The following ASIC2 variants were observed in gnomAD, a reference collection of about 807,000 sequenced individuals.
ASIC2 encodes acid-sensing ion channel 2.
In ASIC2, 25 loss-of-function variants were observed where a neutral mutation model predicts 57.3. The observed-to-expected ratio is 0.44, with a 90% CI of 0.32 to 0.61. ASIC2 has a LOEUF of 0.61. Ranked by LOEUF, ASIC2 falls within the 20% of genes least tolerant of loss-of-function variation. The pLI, the probability that ASIC2 is intolerant of heterozygous loss-of-function variation, is 0.06. For missense variants in ASIC2, 641 were observed against 738.1 expected, an observed-to-expected ratio of 0.87 and a Z score of 1.52; for synonymous variants, 319 against 307.5, an observed-to-expected ratio of 1.04 and a Z score of -0.39.
chr17:33,937,427 T>A (rs1331071504), intron 1 of ASIC2, among the ~76,000 whole-genome samples: 2 of 103,574 alleles, frequency 1.9e-5, no homozygotes, highest in Non-Finnish European at 4.4e-5. Flanking sequence ...TCAGAGCTCT[T>A]TTTTTTTTTT....
intron 1 of ASIC2, among the ~76,000 whole-genome samples, chr17:33,283,448 C>G (rs748529609): frequency 8.5e-5 from 13 of 152,288 alleles, no homozygotes; most frequent in Non-Finnish European, 1.9e-4. Flanking sequence ...CGGACATGCT[C>G]AAGTTTGAGA....
chr17:33,441,595 C>G (rs1484984932), intron 1 of ASIC2, among the ~76,000 whole-genome samples: 1 of 152,138 alleles, frequency 6.6e-6, no homozygotes, highest in Non-Finnish European at 1.5e-5. Context: ...AGGAGAAGGT[C>G]ATTCTCACCT....
intron 3 of ASIC2, among the ~76,000 whole-genome samples, chr17:33,050,884 T>C (rs1260271699): frequency 6.6e-6 from 1 of 152,080 alleles, no homozygotes; most frequent in Non-Finnish European, 1.5e-5. Flanking sequence ...GTGCTTTGCA[T>C]AGATTAGGTA....
intron 1 of ASIC2, chr17:33,623,461 G>T (rs932599232): frequency 4.6e-5 from 7 of 151,652 alleles, no homozygotes; most frequent in Non-Finnish European, 7.3e-5. Context: ...TAGAGACGGG[G>T]TTTCACCATA....
At chr17:33,630,923 A>G (rs753487163) in intron 1 of ASIC2, among the ~76,000 whole-genome samples, 1 of 152,244 alleles carries the variant, frequency 6.6e-6, no homozygotes, top group Non-Finnish European at 1.5e-5. Flanking sequence ...ACTGACATGC[A>G]AAGTCCTATC....
At chr17:34,035,524 T>C (rs1353344251) in intron 1 of ASIC2, among the ~76,000 whole-genome samples, 1 of 150,838 alleles carries the variant, frequency 6.6e-6, no homozygotes, top group African/African-American at 2.5e-5. Flanking sequence ...AAGCCAAAAT[T>C]GACAAATGGG....
intron 1 of ASIC2, among the ~76,000 whole-genome samples, chr17:33,606,105 G>T (rs970187857): frequency 5.9e-5 from 9 of 152,216 alleles, no homozygotes; most frequent in Non-Finnish European, 1.2e-4. Context: ...GCTGTTATTA[G>T]TCTTCTCAGC....
chr17:33,574,874 T>G (rs1286318983), intron 1 of ASIC2, among the ~76,000 whole-genome samples: 2 of 149,400 alleles, frequency 1.3e-5, no homozygotes, highest in African/African-American at 5.0e-5. Context: ...TTGCTGCAGA[T>G]CTACAAGATA....
Position 33,996,836 on chromosome 17 carries a change from C to T in ASIC2, c.555+159142G>A, listed in dbSNP as rs1179611280. ...CTTGCTCAAGGTTGTTTTGGCCATT[C>T]AGGGTCTTCTGTGGCTCCATGTAAA... is the stretch of plus-strand genomic sequence containing the variant. On this transcript the variant is annotated intron_variant, in intron 1 of 9. Coordinates refer to the ASIC2 transcript ENST00000359872. Among the ~76,000 whole-genome samples the T allele has an allele frequency of 3.3e-5, 5 of 152,284 alleles. No individual in the cohort carries two copies. The East Asian group carries it at 9.6e-4, about 29-fold the overall frequency.
chr17:33,151,612 G>T (rs1306764741), intron 1 of ASIC2, among the ~76,000 whole-genome samples: 2 of 152,176 alleles, frequency 1.3e-5, no homozygotes, highest in Non-Finnish European at 2.9e-5. Context: ...CTGCTCTCAT[G>T]AATAAATTAA....
chr17:33,291,598 T>C lies in ASIC2; in HGVS notation c.518A>G (p.Glu173Gly). 1 of 1,608,184 alleles carries C rather than the reference T, an allele frequency of 6.2e-7. No homozygotes were observed. The highest frequency in any genetic ancestry group is 8.5e-7 in the Non-Finnish European group (1 of 1,178,300). ...GCGCGGCTCGTCGCCCCGCAGCAGC[T>C]CGCTGACAAGCGGGCGCGCGGTGCG... is the stretch of plus-strand genomic sequence containing the variant. ...PNRTARPLVSELLRGDEPRRQ... is the reference protein window; with the variant it reads ...PNRTARPLVSGLLRGDEPRRQ... The change falls in exon 1 of 10, where the codon GAG becomes GGG. Residue 173 changes from glutamate (E) to glycine (G), a missense_variant. By Grantham distance (98) the Glu-to-Gly change is moderately conservative. Transcript: ENST00000225823.
intron 1 of ASIC2, among the ~76,000 whole-genome samples, chr17:33,328,506 C>G (rs1026549995): frequency 2.6e-5 from 4 of 152,166 alleles, no homozygotes; most frequent in African/African-American, 9.7e-5. Flanking sequence ...TGCTGTAGAT[C>G]TTGATGCCCA....
rs577495126 is a variant in ASIC2 at position 33,940,050 on chromosome 17, C to T, written c.555+215928G>A. 3.5e-4 allele frequency among the ~76,000 whole-genome samples: 54 copies of T among 152,278 alleles called. 1 individual carries two copies. The South Asian group carries it at 9.5e-3, about 27-fold the overall frequency. On this transcript the variant is annotated intron_variant, in intron 1 of 9. Transcript: ENST00000359872. ...GGGCCTACCCTGCGTACTCATGCAT[C>T]CTCTCCTTTAATTTCTCACCTTGAC...
chr17:33,639,863 A>G (rs1274342338), intron 1 of ASIC2, among the ~76,000 whole-genome samples: 3 of 152,146 alleles, frequency 2.0e-5, no homozygotes, highest in African/African-American at 7.2e-5. Context: ...AAAGCCTCCA[A>G]AAAACATCAA....
At chr17:34,153,310 C>T (rs1598049776) in intron 1 of ASIC2, among the ~76,000 whole-genome samples, 3 of 152,176 alleles carry the variant, frequency 2.0e-5, no homozygotes, top group Non-Finnish European at 2.9e-5. Flanking sequence ...AAAGAAGTCA[C>T]CTAGCATGGT....
At chr17:33,069,214 A>T (rs181843503) in intron 3 of ASIC2, among the ~76,000 whole-genome samples, 1 of 152,318 alleles carries the variant, frequency 6.6e-6, no homozygotes, top group African/African-American at 2.4e-5. Flanking sequence ...CTATGACTTG[A>T]ATCCTTTTGA....
chr17:33,294,564 C>T (rs963027024), upstream of ASIC2, among the ~76,000 whole-genome samples: 2 of 152,012 alleles, frequency 1.3e-5, no homozygotes, highest in East Asian at 1.9e-4. Flanking sequence ...TCATTTCCCA[C>T]TCACCCACAT....
At chr17:33,788,628 A>G (rs1911675397) in intron 1 of ASIC2, among the ~76,000 whole-genome samples, 1 of 152,170 alleles carries the variant, frequency 6.6e-6, no homozygotes, top group African/African-American at 2.4e-5. Context: ...ACACTTTACA[A>G]TAGCAAAGAC....
At chr17:33,641,789 G>T (rs1906572632) in intron 1 of ASIC2, among the ~76,000 whole-genome samples, 1 of 152,178 alleles carries the variant, frequency 6.6e-6, no homozygotes, top group South Asian at 2.1e-4. Flanking sequence ...GTCAGGCAGG[G>T]ATGCCATTAG....
Sources: gnomAD v4.1 joint callset for allele counts (sites outside exome capture counted in the v4.1 genomes callset) on GRCh38, gnomAD v4.1.1 for gene constraint, MANE v1.5 for transcripts, NCBI Gene and HGNC (gene_info 2026-07-23, HGNC 2026-07-21) for gene names.